The following CDH18 variants were observed in gnomAD, a reference collection of about 807,000 sequenced individuals.
CDH18 encodes the protein cadherin 18.
Under a neutral mutation model 67.9 loss-of-function variants are expected in CDH18, and 31 were observed. The observed-to-expected ratio is 0.46, with a 90% CI of 0.34 to 0.62. The LOEUF (loss-of-function observed/expected upper bound fraction) is 0.62, where lower values mean the gene tolerates loss of function less well. Among genes scored for constraint, CDH18 ranks in the 20% least tolerant of loss-of-function variants. CDH18 has a pLI of 0.01. For synonymous variants in CDH18, 362 were observed against 347.2 expected (o/e 1.04, Z -0.48); for missense variants, 890 against 975.5 (o/e 0.91, Z 1.17).
intron 8 of CDH18, among the ~76,000 whole-genome samples, chr5:19,571,211 C>T (rs1469108300): frequency 1.3e-5 from 2 of 152,164 alleles, no homozygotes; most frequent in Non-Finnish European, 2.9e-5. Context: ...TGAGTGTTAT[C>T]CCCAAATCAT....
At chr5:20,440,099 T>C (rs1749499640) in intron 1 of CDH18, among the ~76,000 whole-genome samples, 1 of 151,754 alleles carries the variant, frequency 6.6e-6, no homozygotes, top group Non-Finnish European at 1.5e-5. Flanking sequence ...CATATGCAAG[T>C]TCTGGAATTC....
chr5:19,618,475 G>A (rs1750187678), intron 5 of CDH18, among the ~76,000 whole-genome samples: 1 of 151,954 alleles, frequency 6.6e-6, no homozygotes, highest in Non-Finnish European at 1.5e-5. Flanking sequence ...CGAAGTGCTG[G>A]GATTACAGGC....
chr5:19,576,347 G>A (rs944564493), intron 7 of CDH18, among the ~76,000 whole-genome samples: 3 of 151,446 alleles, frequency 2.0e-5, no homozygotes, highest in Admixed American at 6.6e-5. Context: ...ATTGTACATC[G>A]GATAAGGGCC....
intron 9 of CDH18, among the ~76,000 whole-genome samples, chr5:19,535,673 T>A (rs1228464087): frequency 2.0e-5 from 3 of 152,082 alleles, no homozygotes; most frequent in Non-Finnish European, 4.4e-5. Context: ...CTAAAAAGAC[T>A]CAATGAATAA....
chr5:19,926,174 C>G (rs891558293), intron 2 of CDH18, among the ~76,000 whole-genome samples: 2 of 152,054 alleles, frequency 1.3e-5, no homozygotes, highest in African/African-American at 4.8e-5. Context: ...CCATACCGTT[C>G]AAGCCTATGT....
chr5:20,415,502 G>A (rs371612616), intron 1 of CDH18, among the ~76,000 whole-genome samples: 21 of 152,228 alleles, frequency 1.4e-4, no homozygotes, highest in Admixed American at 2.0e-4. Flanking sequence ...GACTGGTTGC[G>A]GTGGCTCATG....
chr5:19,943,445 G>T (rs1253189025), intron 2 of CDH18, among the ~76,000 whole-genome samples: 4 of 152,120 alleles, frequency 2.6e-5, no homozygotes, highest in African/African-American at 9.7e-5. Context: ...ATAGAGCTCA[G>T]ATTGTAAATA....
intron 11 of CDH18, among the ~76,000 whole-genome samples, chr5:19,501,170 T>C (rs759393240): frequency 4.7e-5 from 7 of 148,024 alleles, no homozygotes; most frequent in Non-Finnish European, 1.0e-4. Flanking sequence ...TTTACATATA[T>C]ATAAAAATAT....
At chr5:20,072,778 C>T (rs758282491) in intron 2 of CDH18, among the ~76,000 whole-genome samples, 1 of 151,562 alleles carries the variant, frequency 6.6e-6, no homozygotes, top group Admixed American at 6.6e-5. Context: ...TAAACTGGAA[C>T]TTTGACAAAT....
At chr5:20,440,351 T>C (rs1369008497) in intron 1 of CDH18, among the ~76,000 whole-genome samples, 1 of 151,796 alleles carries the variant, frequency 6.6e-6, no homozygotes, top group African/African-American at 2.4e-5. Flanking sequence ...ACCGTAACTA[T>C]AGTGAAAGGT....
intron 2 of CDH18, among the ~76,000 whole-genome samples, chr5:20,049,609 T>C (rs1561747694): frequency 6.6e-6 from 1 of 151,740 alleles, no homozygotes; most frequent in Non-Finnish European, 1.5e-5. Flanking sequence ...ACAAAAATAA[T>C]GCATTCCATG....
intron 5 of CDH18, among the ~76,000 whole-genome samples, chr5:19,668,802 T>C (rs1382979603): frequency 6.6e-6 from 1 of 152,084 alleles, no homozygotes; most frequent in African/African-American, 2.4e-5. Context: ...TTCATACTAG[T>C]GCAAGCATGT....
At chr5:20,402,909 A>G (rs1745894078) in intron 1 of CDH18, among the ~76,000 whole-genome samples, 1 of 151,648 alleles carries the variant, frequency 6.6e-6, no homozygotes, top group African/African-American at 2.4e-5. Context: ...CTTCATCTTG[A>G]AAAAAAACAA....
In CDH18 at chr5:19,950,091, C is replaced by CATAT. The variant is rs779468863; in HGVS notation, c.-257+30965_-257+30968dup. 5.8e-4 allele frequency among the ~76,000 whole-genome samples: 88 copies of CATAT among 150,904 alleles called. No individual in the cohort carries two copies. In the South Asian group the frequency reaches 0.016, roughly 27 times the overall value. ...ATGTATATATCCAATGTGATATATA[C>CATAT]ATATATATCACAGTGGAATAATTGG... On this transcript the variant is annotated intron_variant, in intron 2 of 12. Coordinates refer to ENST00000382275, the MANE Select transcript of CDH18 (RefSeq NM_004934.5).
intron 1 of CDH18, among the ~76,000 whole-genome samples, chr5:20,283,996 G>A (rs7731968): frequency 0.46 from 69,722 of 151,744 alleles, 16,177 homozygotes; most frequent in African/African-American, 0.52. Context: ...AGCCAAGCAC[G>A]GAAAGACAGA....
intron 4 of CDH18, among the ~76,000 whole-genome samples, chr5:19,725,234 G>A (rs1766676152): frequency 6.6e-6 from 1 of 151,838 alleles, no homozygotes; most frequent in South Asian, 2.1e-4. Flanking sequence ...CCCATATTAG[G>A]GACTTTTTAT....
At chr5:20,156,552 T>C (rs1170885535) in intron 2 of CDH18, among the ~76,000 whole-genome samples, 1 of 152,014 alleles carries the variant, frequency 6.6e-6, no homozygotes, top group Non-Finnish European at 1.5e-5. Context: ...CAGAATGAAA[T>C]AATAGACAAT....
At chr5:19,812,541 T>TA (rs1170343252) in intron 3 of CDH18, among the ~76,000 whole-genome samples, 2 of 151,780 alleles carry the variant, frequency 1.3e-5, no homozygotes, top group Non-Finnish European at 2.9e-5. Flanking sequence ...GCATAAAACA[T>TA]AAAACCACCA....
intron 1 of CDH18, among the ~76,000 whole-genome samples, chr5:20,414,787 G>C (rs1331036822): frequency 6.6e-6 from 1 of 152,078 alleles, no homozygotes; most frequent in Non-Finnish European, 1.5e-5. Flanking sequence ...TCATACCTGT[G>C]AGAATGGCTA....
Sources: allele counts gnomAD v4.1 joint callset (sites outside exome capture counted in the v4.1 genomes callset), GRCh38; gene constraint gnomAD v4.1.1; transcripts MANE v1.5; gene names NCBI Gene and HGNC (gene_info 2026-07-23, HGNC 2026-07-21).